FERRY3: variants seen among roughly 807,000 people sequenced by gnomAD.
FERRY3 encodes FERRY endosomal RAB5 effector complex subunit 3.
the FERRY3 span, chr12:4,538,422 G>C: frequency 1.9e-5 from 3 of 159,154 alleles, no homozygotes; most frequent in Non-Finnish European, 2.8e-5. Context: ...GTCTAGTTCC[G>C]AAGTCCTGGG....
the FERRY3 span, among the ~76,000 whole-genome samples, chr12:4,491,433 CTAATT>C: frequency 6.6e-6 from 1 of 152,194 alleles, no homozygotes; most frequent in South Asian, 2.1e-4. Flanking sequence ...GGAATACAAA[CTAATT>C]TAGTTAGCCC....
chr12:4,536,238 GTTA>G, the FERRY3 span: 1 of 1,324,454 alleles, frequency 7.6e-7, no homozygotes, highest in East Asian at 2.6e-5. Context: ...AAAGCAGTAG[GTTA>G]TAAGTCCATA....
the FERRY3 span, among the ~76,000 whole-genome samples, chr12:4,528,913 A>C: frequency 7.4e-6 from 1 of 134,598 alleles, no homozygotes; most frequent in African/African-American, 3.7e-5. Flanking sequence ...ACACACACAC[A>C]CACACACACA....
At chr12:4,522,957 C>G in the FERRY3 span, among the ~76,000 whole-genome samples, 1 of 152,072 alleles carries the variant, frequency 6.6e-6, no homozygotes, top group African/African-American at 2.4e-5. Context: ...CTAGAAAAAT[C>G]AAACTACAAT....
At chr12:4,503,274 C>T in the FERRY3 span, among the ~76,000 whole-genome samples, 14 of 152,066 alleles carry the variant, frequency 9.2e-5, no homozygotes, top group African/African-American at 3.4e-4. Context: ...GAAAAAGGAC[C>T]AGATTGGATG....
chr12:4,519,841 A>G, the FERRY3 span, among the ~76,000 whole-genome samples: 1 of 152,220 alleles, frequency 6.6e-6, no homozygotes, highest in African/African-American at 2.4e-5. This position sits in a 1 kb window ranked among gnomAD's most constrained non-coding sequence, Gnocchi z 4.3. Context: ...TCCTTGTGGA[A>G]CAGTTTCATC....
At chr12:4,488,115 C>T in the FERRY3 span, 1 of 152,160 alleles carries the variant, frequency 6.6e-6, no homozygotes, top group Non-Finnish European at 1.5e-5. This position sits in a 1 kb window ranked among gnomAD's most constrained non-coding sequence, Gnocchi z 4.9. Context: ...AACACAGTTG[C>T]ATGTGGAAAA....
At chr12:4,528,165 A>G in the FERRY3 span, among the ~76,000 whole-genome samples, 2 of 152,258 alleles carry the variant, frequency 1.3e-5, no homozygotes, top group East Asian at 3.9e-4. Context: ...ATTTATCAAT[A>G]TACCCAAAGA....
the FERRY3 span, among the ~76,000 whole-genome samples, chr12:4,499,036 G>A: frequency 6.6e-6 from 1 of 152,276 alleles, no homozygotes; most frequent in East Asian, 1.9e-4. Context: ...GTAATATAAT[G>A]AATCTAAGTA....
chr12:4,517,946 G>T, the FERRY3 span: 2 of 825,366 alleles, frequency 2.4e-6, no homozygotes, highest in Non-Finnish European at 3.8e-6. Context: ...TGGTCTACTT[G>T]GATGTCAAGG....
the FERRY3 span, chr12:4,525,577 A>T: frequency 5.0e-6 from 8 of 1,607,654 alleles, no homozygotes; most frequent in Non-Finnish European, 6.8e-6. Flanking sequence ...CCATTTCAAT[A>T]CCTTGTCTAA....
At chr12:4,518,857 C>G in the FERRY3 span, 1 of 1,581,950 alleles carries the variant, frequency 6.3e-7, no homozygotes, top group Non-Finnish European at 8.6e-7. Context: ...TCTGAACTGA[C>G]TTGGCTGAAC....
At chr12:4,489,166 T>C in the FERRY3 span, 1 of 152,606 alleles carries the variant, frequency 6.6e-6, no homozygotes, top group Non-Finnish European at 1.5e-5. Context: ...ATGTTATTAA[T>C]ATGCAAGTGC....
the FERRY3 span, among the ~76,000 whole-genome samples, chr12:4,529,138 G>A: frequency 2.6e-5 from 4 of 152,046 alleles, no homozygotes; most frequent in Non-Finnish European, 4.4e-5. Flanking sequence ...TTACTAGAAA[G>A]CAGTCAGGGA....
At chr12:4,490,418 C>G in the FERRY3 span, 1 of 833,666 alleles carries the variant, frequency 1.2e-6, no homozygotes, top group Non-Finnish European at 1.8e-6. Flanking sequence ...AGCGATTAGC[C>G]TTTTGTGTTG....
chr12:4,507,587 A>C, the FERRY3 span, among the ~76,000 whole-genome samples: 1 of 152,224 alleles, frequency 6.6e-6, no homozygotes, highest in Non-Finnish European at 1.5e-5. Flanking sequence ...AATTATTCAT[A>C]TGCAAGGTTA....
chr12:4,488,397 T>G, the FERRY3 span: 1 of 152,364 alleles, frequency 6.6e-6, no homozygotes, highest in East Asian at 1.9e-4. The surrounding 1 kb of genome is among the most constrained non-coding windows in gnomAD (Gnocchi z 4.9). Context: ...CAGTGGTGCC[T>G]GAAAGACAAT....
chr12:4,529,324 T>C, the FERRY3 span, among the ~76,000 whole-genome samples: 1 of 152,180 alleles, frequency 6.6e-6, no homozygotes, highest in Non-Finnish European at 1.5e-5. Flanking sequence ...TCTAAGGTAC[T>C]TGAGCGTACA....
the FERRY3 span, chr12:4,491,134 A>T: frequency 6.3e-6 from 10 of 1,584,676 alleles, no homozygotes; most frequent in Non-Finnish European, 8.7e-6. Context: ...AATGTTTGGG[A>T]GGAAATACAG....
Sources: gnomAD v4.1 joint callset for allele counts (sites outside exome capture counted in the v4.1 genomes callset) on GRCh38, gnomAD v4.1.1 for gene constraint, Gnocchi (gnomAD v3.1) non-coding constraint, MANE v1.5 for transcripts, NCBI Gene and HGNC (gene_info 2026-07-23, HGNC 2026-07-21) for gene names.